The following DCC variants were observed in gnomAD, a reference collection of about 807,000 sequenced individuals.
DCC encodes DCC netrin 1 receptor, also known as netrin receptor DCC.
DCC carries 58 observed loss-of-function variants against 172.5 expected under a neutral mutation model. The observed-to-expected ratio is 0.34, with a 90% CI of 0.27 to 0.42. The LOEUF (loss-of-function observed/expected upper bound fraction) is 0.42. Ranked by LOEUF, DCC falls within the 10% of genes least tolerant of loss-of-function variation. DCC has a pLI of 1.00. For synonymous variants in DCC, 709 were observed against 644.5 expected, an observed-to-expected ratio of 1.10 and a Z score of -1.52; for missense variants, 1,740 against 1,791.0, an observed-to-expected ratio of 0.97 and a Z score of 0.51.
rs530387158 is a variant in DCC at position 53,110,505 on chromosome 18, C to G, written c.1261+44339C>G. 5.3e-5 allele frequency among the ~76,000 whole-genome samples: 8 copies of G among 151,790 alleles called. No homozygotes were observed. In the East Asian group the frequency reaches 1.6e-3, roughly 30 times the overall value. On this transcript the variant is annotated intron_variant, in intron 7 of 28. Coordinates refer to ENST00000442544, the MANE Select transcript of DCC (RefSeq NM_005215.4). ...TAAGTTTAAGAGTAAGATCTAAATC[C>G]AGCAGAGACGTCTAAGTCTAAAGAG...
chr18:52,681,543 A>G (rs1437382118), intron 1 of DCC, among the ~76,000 whole-genome samples: 1 of 152,046 alleles, frequency 6.6e-6, no homozygotes, highest in Non-Finnish European at 1.5e-5. Flanking sequence ...TGGTTTGGGG[A>G]GAAATTATCC....
intron 1 of DCC, among the ~76,000 whole-genome samples, chr18:52,387,491 C>T (rs912708284): frequency 1.3e-5 from 2 of 152,086 alleles, no homozygotes; most frequent in South Asian, 4.1e-4. Flanking sequence ...TTGGACAGAG[C>T]TACTACCAGC....
At chr18:53,064,197 G>A (rs1203774858) in intron 6 of DCC, among the ~76,000 whole-genome samples, 1 of 152,130 alleles carries the variant, frequency 6.6e-6, no homozygotes, top group African/African-American at 2.4e-5. Flanking sequence ...TGGTACACAT[G>A]GAGTGCTCAA....
intron 1 of DCC, among the ~76,000 whole-genome samples, chr18:52,630,578 C>T (rs1427276299): frequency 2.0e-5 from 3 of 151,934 alleles, no homozygotes. Flanking sequence ...AATGAAGTCC[C>T]ATGCAAAGCT....
chr18:52,940,151 G>T (rs552125419), intron 5 of DCC, among the ~76,000 whole-genome samples: 1 of 152,236 alleles, frequency 6.6e-6, no homozygotes, highest in African/African-American at 2.4e-5. Flanking sequence ...GGTAAGTAAA[G>T]GAAATGGAAT....
At chr18:53,183,316 A>G (rs2055226113) in intron 9 of DCC, among the ~76,000 whole-genome samples, 1 of 152,152 alleles carries the variant, frequency 6.6e-6, no homozygotes, top group African/African-American at 2.4e-5. Flanking sequence ...ATTTATATGA[A>G]GGTTTGTGTC....
At chr18:53,054,822 A>T (rs189603933) in intron 5 of DCC, among the ~76,000 whole-genome samples, 46 of 152,300 alleles carry the variant, frequency 3.0e-4, no homozygotes, top group Non-Finnish European at 4.0e-4. Context: ...AATTGTGCTC[A>T]CGAGAAGTAT....
chr18:52,359,664 C>T (rs972519277), intron 1 of DCC, among the ~76,000 whole-genome samples: 1 of 152,162 alleles, frequency 6.6e-6, no homozygotes, highest in Non-Finnish European at 1.5e-5. Flanking sequence ...AGCTTGAGTC[C>T]ATGGTGACTT....
At chr18:52,792,456 C>T (rs1053069023) in intron 2 of DCC, among the ~76,000 whole-genome samples, 4 of 152,182 alleles carry the variant, frequency 2.6e-5, no homozygotes, top group Admixed American at 2.6e-4. Flanking sequence ...AGTCCATAAG[C>T]CTTTGGGTAA....
At chr18:52,981,830 A>C (rs2041215310) in intron 5 of DCC, among the ~76,000 whole-genome samples, 2 of 152,208 alleles carry the variant, frequency 1.3e-5, no homozygotes, top group Non-Finnish European at 2.9e-5. Flanking sequence ...TTATCAATAC[A>C]AGTAAATGAG....
intron 1 of DCC, among the ~76,000 whole-genome samples, chr18:52,571,062 A>C (rs2033281220): frequency 6.6e-6 from 1 of 152,122 alleles, no homozygotes; most frequent in African/African-American, 2.4e-5. Flanking sequence ...CTCTGTTTTT[A>C]TGCCACGATT....
In DCC at chr18:53,312,944, G is replaced by A. The variant is rs370438753; in HGVS notation, c.2053+7225G>A. ...GGGGAGGGGAGGGAAGGGAAAGGGA[G>A]GGGAGGGAAGGGAGGAGGGAGTGGG... On this transcript the variant is annotated intron_variant, in intron 13 of 28. Coordinates refer to ENST00000442544, the MANE Select transcript of DCC (RefSeq NM_005215.4). 1.9e-4 allele frequency among the ~76,000 whole-genome samples: 26 copies of A among 136,434 alleles called. No individual in the cohort carries two copies. The East Asian group carries it at 4.8e-3, about 25-fold the overall frequency. The allele number at this position is 136,434 out of a possible 152,430, so 89.5% of individuals were successfully genotyped here.
intron 1 of DCC, among the ~76,000 whole-genome samples, chr18:52,582,256 T>C (rs1568239863): frequency 6.6e-6 from 1 of 152,228 alleles, no homozygotes; most frequent in Non-Finnish European, 1.5e-5. Flanking sequence ...TTTTTAATAT[T>C]TGCTGAGTAT....
intron 9 of DCC, among the ~76,000 whole-genome samples, chr18:53,184,847 T>C (rs1340441476): frequency 6.6e-6 from 1 of 152,174 alleles, no homozygotes; most frequent in Non-Finnish European, 1.5e-5. Flanking sequence ...GTTATATTTA[T>C]TAAAGTATGG....
intron 21 of DCC, among the ~76,000 whole-genome samples, chr18:53,431,002 A>C (rs908575948): frequency 4.6e-5 from 7 of 152,150 alleles, no homozygotes; most frequent in African/African-American, 1.2e-4. Context: ...CAACCCCTTA[A>C]ACGACTTTAT....
chr18:52,373,466 T>G (rs1985210833), intron 1 of DCC, among the ~76,000 whole-genome samples: 1 of 152,202 alleles, frequency 6.6e-6, no homozygotes, highest in African/African-American at 2.4e-5. Context: ...ACATTTCTAT[T>G]TCTTCAGTGG....
chr18:52,390,796 C>CT (rs936796112), intron 1 of DCC, among the ~76,000 whole-genome samples: 1 of 152,068 alleles, frequency 6.6e-6, no homozygotes. Flanking sequence ...TCATATCCAT[C>CT]TTTTTCCCCA....
intron 12 of DCC, among the ~76,000 whole-genome samples, chr18:53,226,668 T>A (rs891874849): frequency 2.0e-5 from 3 of 151,612 alleles, no homozygotes; most frequent in Admixed American, 6.6e-5. Context: ...CCTTACCTCA[T>A]CCCTCAAGGG....
At chr18:53,329,782 C>T (rs1298060283) in intron 14 of DCC, among the ~76,000 whole-genome samples, 1 of 151,732 alleles carries the variant, frequency 6.6e-6, no homozygotes, top group Non-Finnish European at 1.5e-5. Context: ...AAAAGAATCC[C>T]AAGAAATTTT....
Sources: allele counts gnomAD v4.1 joint callset (sites outside exome capture counted in the v4.1 genomes callset), GRCh38; gene constraint gnomAD v4.1.1; transcripts MANE v1.5; gene names NCBI Gene and HGNC (gene_info 2026-07-23, HGNC 2026-07-21).